Variants in SLC16A10 observed in about 807,000 individuals in gnomAD.
The protein encoded by SLC16A10 is monocarboxylate transporter 10.
SLC16A10 carries 27 observed loss-of-function variants against 40.0 expected under a neutral mutation model. The observed-to-expected ratio is 0.67, with a 90% confidence interval of 0.50 to 0.93. The LOEUF (loss-of-function observed/expected upper bound fraction) is 0.93, where lower values mean the gene tolerates loss of function less well. Ranked by LOEUF, SLC16A10 falls within the 40% of genes least tolerant of loss-of-function variation. SLC16A10 has a pLI of 0.00. For synonymous variants in SLC16A10, 213 were observed against 249.8 expected, an observed-to-expected ratio of 0.85 and a Z score of 1.39; for missense variants, 529 against 658.2, an observed-to-expected ratio of 0.80 and a Z score of 2.15.
In SLC16A10 at chr6:111,213,006, A is replaced by G. The variant is rs112872122; in HGVS notation, c.1087-5808A>G. Among the ~76,000 whole-genome samples the G allele has an allele frequency of 3.5e-3, 533 of 152,326 alleles. 4 individuals carry two copies. The highest frequency in any genetic ancestry group is 0.012 in the African/African-American group (506 of 41,580). On this transcript the variant is annotated intron_variant, in intron 4 of 5. Coordinates refer to ENST00000368851, the MANE Select transcript of SLC16A10 (RefSeq NM_018593.5). ...TTATAGGCCTGTGTTTCTAGTCACC[A>G]TTAAATTACTACAGATTTGTGTTTT... is the stretch of plus-strand genomic sequence containing the variant.
At chr6:111,135,339 A>G (rs763149448) in intron 1 of SLC16A10, among the ~76,000 whole-genome samples, 2 of 152,176 alleles carry the variant, frequency 1.3e-5, no homozygotes, top group Non-Finnish European at 2.9e-5. Context: ...AAGGACTCCA[A>G]AAGATTGTTA....
At chr6:111,099,873 A>G (rs1771142651) in intron 1 of SLC16A10, among the ~76,000 whole-genome samples, 1 of 151,996 alleles carries the variant, frequency 6.6e-6, no homozygotes, top group Non-Finnish European at 1.5e-5. Flanking sequence ...AAATGCAAAA[A>G]TTAGCTGGAC....
chr6:111,177,084 TTG>T, intron 2 of SLC16A10, 126 bp from the exon 3 acceptor site: 1 of 591,274 alleles, frequency 1.7e-6, no homozygotes, highest in Non-Finnish European at 2.6e-6. Context: ...TTTTTTTTTT[TTG>T]GTTAACTTTT....
chr6:111,156,137 A>T (rs1254592654), intron 1 of SLC16A10, among the ~76,000 whole-genome samples: 1 of 152,242 alleles, frequency 6.6e-6, no homozygotes, highest in African/African-American at 2.4e-5. Context: ...TAAAATAAAT[A>T]TCTACGAGTC....
At chr6:111,094,207 T>A (rs1562394830) in intron 1 of SLC16A10, among the ~76,000 whole-genome samples, 1 of 152,198 alleles carries the variant, frequency 6.6e-6, no homozygotes, top group African/African-American at 2.4e-5. Flanking sequence ...GCTCAGCCCC[T>A]GGCCATATAC....
At chr6:111,108,024 C>CT (rs368446572) in intron 1 of SLC16A10, among the ~76,000 whole-genome samples, 1,664 of 143,676 alleles carry the variant, frequency 0.012, 22 homozygotes, top group African/African-American at 0.034. Context: ...CACTTACAGT[C>CT]TTTTTTTTTT....
rs1771005236 is a variant in SLC16A10 at position 111,226,914 on chromosome 6, C to T, written c.*4679C>T. On this transcript the variant is annotated 3_prime_UTR_variant, in exon 6 of 6. Coordinates refer to ENST00000368851, the MANE Select transcript of SLC16A10 (RefSeq NM_018593.5). ...TGGGAGTCCAAGGCGGTAGGATCACCAGAGCCCAGGGTTCAAGACTCAGCC... is the reference window on the plus strand; with the variant it reads ...TGGGAGTCCAAGGCGGTAGGATCACTAGAGCCCAGGGTTCAAGACTCAGCC... 1 of 152,262 alleles carries T rather than the reference C, an allele frequency of 6.6e-6. No individual in the cohort carries two copies. Among genetic ancestry groups the T allele is most frequent in the South Asian group, 2.1e-4 (1 of 4,834 alleles). 9.4% of individuals were successfully genotyped at this position (152,262 alleles called of 1,614,324 possible). A position where few individuals can be genotyped will look rare whatever the true frequency, so the allele number is the denominator to read the frequency against.
intron 3 of SLC16A10, among the ~76,000 whole-genome samples, chr6:111,188,592 G>A (rs1194818317): frequency 1.3e-5 from 2 of 152,068 alleles, no homozygotes; most frequent in East Asian, 3.9e-4. Flanking sequence ...CAAGTGCTGG[G>A]ATCACAGGCA....
At chr6:111,209,096 A>G (rs566498100) in intron 4 of SLC16A10, among the ~76,000 whole-genome samples, 1 of 152,242 alleles carries the variant, frequency 6.6e-6, no homozygotes, top group African/African-American at 2.4e-5. Flanking sequence ...AGTCTTAGCT[A>G]TGCAGGAGGC....
At chr6:111,196,286 CA>C (rs1773078830) in intron 3 of SLC16A10, among the ~76,000 whole-genome samples, 1 of 152,080 alleles carries the variant, frequency 6.6e-6, no homozygotes, top group Non-Finnish European at 1.5e-5. Context: ...TGCAGTTAGC[CA>C]AGATCCCACC....
intron 1 of SLC16A10, among the ~76,000 whole-genome samples, chr6:111,152,747 A>G (rs1481316022): frequency 2.6e-5 from 4 of 152,212 alleles, no homozygotes; most frequent in Non-Finnish European, 5.9e-5. Flanking sequence ...GAGGGGATAG[A>G]TTTGGATACA....
At chr6:111,125,846 C>G (rs1277532690) in intron 1 of SLC16A10, among the ~76,000 whole-genome samples, 1 of 152,106 alleles carries the variant, frequency 6.6e-6, no homozygotes, top group Non-Finnish European at 1.5e-5. Flanking sequence ...GATAAGGAAA[C>G]TGAGGCTCAG....
At chr6:111,089,575 A>T (rs1385183920) in intron 1 of SLC16A10, among the ~76,000 whole-genome samples, 1 of 152,216 alleles carries the variant, frequency 6.6e-6, no homozygotes, top group African/African-American at 2.4e-5. Flanking sequence ...ATGCGGGTCA[A>T]TGGGCTAGGT....
At chr6:111,160,886 T>C (rs1346056482) in intron 1 of SLC16A10, among the ~76,000 whole-genome samples, 2 of 151,896 alleles carry the variant, frequency 1.3e-5, no homozygotes, top group East Asian at 3.9e-4. Context: ...GTGAAGACAA[T>C]ATTCAAAGGT....
At chr6:111,198,872 A>G (rs777413754) in intron 3 of SLC16A10, among the ~76,000 whole-genome samples, 72 of 152,244 alleles carry the variant, frequency 4.7e-4, no homozygotes, top group Non-Finnish European at 8.8e-4. Context: ...TTTTTAATAA[A>G]TGTAAAACAT....
At chr6:111,204,457 T>C (rs1773223019) in intron 3 of SLC16A10, among the ~76,000 whole-genome samples, 2 of 152,138 alleles carry the variant, frequency 1.3e-5, no homozygotes, top group South Asian at 4.1e-4. Flanking sequence ...AGAGAATGTG[T>C]AGAGACATTA....
At chr6:111,193,718 G>A (rs1773033672) in intron 3 of SLC16A10, among the ~76,000 whole-genome samples, 1 of 152,196 alleles carries the variant, frequency 6.6e-6, no homozygotes. Flanking sequence ...TTACTCAGGG[G>A]TGGAAATTAT....
chr6:111,151,727 C>T (rs1411165644), intron 1 of SLC16A10, among the ~76,000 whole-genome samples: 1 of 152,202 alleles, frequency 6.6e-6, no homozygotes, highest in Non-Finnish European at 1.5e-5. Context: ...CTGGCTACAT[C>T]CTTAGAGAAT....
At chr6:111,187,393 A>G (rs1359133823) in intron 3 of SLC16A10, among the ~76,000 whole-genome samples, 2 of 152,184 alleles carry the variant, frequency 1.3e-5, no homozygotes, top group African/African-American at 4.8e-5. Flanking sequence ...GCTTTTAAAT[A>G]AAATACTTAA....
Sources: gnomAD v4.1 joint callset for allele counts (sites outside exome capture counted in the v4.1 genomes callset) on GRCh38, gnomAD v4.1.1 for gene constraint, MANE v1.5 for transcripts, NCBI Gene and HGNC (gene_info 2026-07-23, HGNC 2026-07-21) for gene names.